SLC6A5: variants seen among roughly 807,000 people sequenced by gnomAD.
SLC6A5 encodes sodium- and chloride-dependent glycine transporter 2.
SLC6A5 carries 58 observed loss-of-function variants against 90.5 expected under a neutral mutation model. The observed-to-expected ratio is 0.64, with a 90% CI of 0.52 to 0.80. The LOEUF (loss-of-function observed/expected upper bound fraction) is 0.80, where lower values mean the gene tolerates loss of function less well. Ranked by LOEUF, SLC6A5 falls within the 30% of genes least tolerant of loss-of-function variation. The probability of loss-of-function intolerance (pLI) is 0.00; values close to 1 mark genes in which losing one functional copy is unlikely to be tolerated. For missense variants in SLC6A5, 1,015 were observed against 1,017.6 expected, an observed-to-expected ratio of 1.00 and a Z score of 0.03; for synonymous variants, 427 against 401.4, an observed-to-expected ratio of 1.06 and a Z score of -0.76.
chr11:20,645,154 T>C (rs1427884198), intron 13 of SLC6A5, among the ~76,000 whole-genome samples: 1 of 152,074 alleles, frequency 6.6e-6, no homozygotes, highest in Non-Finnish European at 1.5e-5. Flanking sequence ...AACTATTCCA[T>C]TCTGCAGAAG....
At chr11:20,614,411 A>C (rs1433439547) in intron 5 of SLC6A5, among the ~76,000 whole-genome samples, 1 of 152,236 alleles carries the variant, frequency 6.6e-6, no homozygotes, top group African/African-American at 2.4e-5. Flanking sequence ...CATGCAAAAT[A>C]CTTGCCTACC....
chr11:20,603,635 A>C (rs874679), intron 2 of SLC6A5, among the ~76,000 whole-genome samples: 139,621 of 152,252 alleles, frequency 0.92, 64,349 homozygotes, highest in Middle Eastern at 0.97. Context: ...ACCTTCAAAT[A>C]TCCCTCCTGC....
rs138477311 is a variant in SLC6A5, at chr11:20,608,922, GTCTCTCTCTCTC to G, written c.985+1296_985+1307del. ...AGTCTCTCTCTCTGTCTGTCTGTCT[GTCTCTCTCTCTC>G]TCTCTCTCTCTCTCTCTCTCTCTCT... On this transcript the variant is annotated intron_variant, in intron 5 of 15. Coordinates refer to ENST00000525748, the MANE Select transcript of SLC6A5 (RefSeq NM_004211.5). 8.7e-3 allele frequency among the ~76,000 whole-genome samples: 1,143 copies of G among 131,702 alleles called. 13 individuals are homozygous for G. Among genetic ancestry groups the G allele is most frequent in the African/African-American group, 0.028 (1,001 of 35,666 alleles). 86.4% of individuals were successfully genotyped at this position (131,702 alleles called of 152,430 possible). A position where few individuals can be genotyped will look rare whatever the true frequency, so the allele number is the denominator to read the frequency against.
At chr11:20,652,120 T>C (rs1338350299) in intron 14 of SLC6A5, among the ~76,000 whole-genome samples, 169 bp from the exon 15 acceptor site, 2 of 152,210 alleles carry the variant, frequency 1.3e-5, no homozygotes, top group Non-Finnish European at 2.9e-5. Flanking sequence ...TTTCCATCTC[T>C]TTGAAATTTA....
At position 20,653,593 on chromosome 11, in the gene SLC6A5, T is replaced by A. The variant is rs1053160753; in HGVS notation, c.2239-1120T>A. 1.1e-4 allele frequency among the ~76,000 whole-genome samples: 17 copies of A among 152,360 alleles called. No homozygotes were observed. In the East Asian group the frequency reaches 3.1e-3, roughly 28 times the overall value. On this transcript the variant is annotated intron_variant, in intron 15 of 15. Transcript: ENST00000525748. Reference sequence around the variant, plus strand: ...GTCCACTGGGTGGGGAGGTAGCTTTTGTCTTCATTGGACTAACGGTAGAGA... The same window carrying A: ...GTCCACTGGGTGGGGAGGTAGCTTTAGTCTTCATTGGACTAACGGTAGAGA...
In SLC6A5 at chr11:20,606,992, C is replaced by T. The variant is rs767886980; in HGVS notation, c.680-15C>T. ...TTTGCCTCCTAGGGCTCTCACTCCCCACTCTCTTTCCAAGGTGCTTTCCTC... is the reference window on the plus strand; with the variant it reads ...TTTGCCTCCTAGGGCTCTCACTCCCTACTCTCTTTCCAAGGTGCTTTCCTC... On this transcript the variant is annotated splice_polypyrimidine_tract_variant and intron_variant, in intron 3 of 15. Transcript: ENST00000525748. 1 of 1,614,084 alleles carries T rather than the reference C, an allele frequency of 6.2e-7. No individual in the cohort carries two copies. Among genetic ancestry groups the T allele is most frequent in the Non-Finnish European group, 8.5e-7 (1 of 1,180,020 alleles).
chr11:20,604,427 A>G lies in SLC6A5; in HGVS notation c.679+3A>G, dbSNP rs1455458043. 1 of 1,604,252 alleles carries G rather than the reference A, an allele frequency of 6.2e-7. No individual in the cohort carries two copies. Among genetic ancestry groups the G allele is most frequent in the African/African-American group, 1.3e-5 (1 of 74,614 alleles). The stretch of plus-strand genomic sequence containing the variant: ...CCTGGCCTTCCAGAACGGGGGAGGT[A>G]TGGCTTTTCCGCTCTTTCCGCCTGC... On this transcript the variant is annotated splice_donor_region_variant and intron_variant, in intron 3 of 15. Transcript: ENST00000525748.
chr11:20,599,695 CT>C lies in SLC6A5; in HGVS notation c.3+23del, dbSNP rs1462566786. 1.9e-6 allele frequency: 3 copies of C among 1,613,676 alleles called. No homozygotes were observed. In the African/African-American group the frequency reaches 4.0e-5, roughly 22 times the overall value. On this transcript the variant is annotated intron_variant, in intron 1 of 15. Transcript: ENST00000525748. ...GACATGGTGAGTGTTTGCTTTTGTT[CT>C]TTCAAGAGGAAAGGGGGCTGAGGGG...
At chr11:20,623,702 C>T (rs1164783081) in intron 7 of SLC6A5, among the ~76,000 whole-genome samples, 1 of 152,116 alleles carries the variant, frequency 6.6e-6, no homozygotes, top group East Asian at 1.9e-4. Flanking sequence ...CCTGTGCCCC[C>T]TCTCTTGCCA....
At chr11:20,620,320 A>G (rs376860142) in intron 7 of SLC6A5, among the ~76,000 whole-genome samples, 9 of 152,316 alleles carry the variant, frequency 5.9e-5, no homozygotes, top group African/African-American at 2.2e-4. Context: ...TCCTGGCTCT[A>G]TCACTTTCTA....
chr11:20,626,363 C>T (rs201134926), intron 7 of SLC6A5, among the ~76,000 whole-genome samples: 71 of 151,860 alleles, frequency 4.7e-4, no homozygotes, highest in East Asian at 7.7e-4. Flanking sequence ...GGTGCTCTAG[C>T]GGGCATGGGC....
In SLC6A5 at chr11:20,601,638, G is replaced by C; in HGVS notation, c.513G>C (p.Pro171=). 6.2e-7 allele frequency: 1 copy of C among 1,613,922 alleles called. No individual in the cohort carries two copies. Among genetic ancestry groups the C allele is most frequent in the South Asian group, 1.1e-5 (1 of 91,062 alleles). The change falls in exon 2 of 16, where the codon CCG becomes CCC. Residue 171 remains proline, a synonymous_variant. Transcript: ENST00000525748. ...LATDGITSVL[P]GSVATVATQE... The stretch of plus-strand genomic sequence containing the variant: ...CGGATGGAATCACGTCCGTGCTCCC[G>C]GGCAGCGTGGCCACCGTTGCCACCC...
chr11:20,629,306 A>C (rs182944116), intron 9 of SLC6A5: 2 of 152,080 alleles, frequency 1.3e-5, no homozygotes, highest in Non-Finnish European at 2.9e-5. Context: ...TTTTAGGGTC[A>C]TTTGACTTTC....
intron 13 of SLC6A5, among the ~76,000 whole-genome samples, chr11:20,642,271 C>A (rs2133814656): frequency 6.7e-6 from 1 of 149,354 alleles, no homozygotes; most frequent in Admixed American, 6.7e-5. Context: ...TGAACAATAT[C>A]CAGACCAAGG....
chr11:20,600,539 T>G (rs1852450462), intron 1 of SLC6A5, among the ~76,000 whole-genome samples: 1 of 152,204 alleles, frequency 6.6e-6, no homozygotes, highest in African/African-American at 2.4e-5. Flanking sequence ...TTATTATCGT[T>G]GTAGGTTTTT....
At chr11:20,634,540 C>T (rs1029912267) in intron 10 of SLC6A5, among the ~76,000 whole-genome samples, 3 of 152,192 alleles carry the variant, frequency 2.0e-5, no homozygotes, top group Non-Finnish European at 4.4e-5. Flanking sequence ...ATCTTCTTGT[C>T]GGCTTTACGG....
chr11:20,620,705 C>T (rs1036410731), intron 7 of SLC6A5, among the ~76,000 whole-genome samples: 1 of 152,152 alleles, frequency 6.6e-6, no homozygotes, highest in South Asian at 2.1e-4. Flanking sequence ...GAGTAAATTG[C>T]CTGAAGTCAC....
At chr11:20,646,360 G>A (rs1853415062) in intron 13 of SLC6A5, among the ~76,000 whole-genome samples, 1 of 152,184 alleles carries the variant, frequency 6.6e-6, no homozygotes, top group South Asian at 2.1e-4. Context: ...TGACTCATTG[G>A]AAGAGTGGCT....
intron 13 of SLC6A5, among the ~76,000 whole-genome samples, 187 bp downstream of exon 13, chr11:20,638,745 G>C (rs1168607127): frequency 6.6e-6 from 1 of 152,084 alleles, no homozygotes; most frequent in African/African-American, 2.4e-5. Flanking sequence ...AATTTAATAG[G>C]GAAACAAGAG....
Sources: allele counts gnomAD v4.1 joint callset (sites outside exome capture counted in the v4.1 genomes callset), GRCh38; gene constraint gnomAD v4.1.1; transcripts MANE v1.5; gene names NCBI Gene and HGNC (gene_info 2026-07-23, HGNC 2026-07-21).